Variants in MAMDC4 observed in about 807,000 individuals in gnomAD.
The protein encoded by MAMDC4 is MAM domain containing 4.
A neutral mutation model predicts 153.3 loss-of-function variants in MAMDC4; 168 were observed. The ratio of observed to expected loss-of-function variants is 1.10; its 90% CI spans 0.97 to 1.25. The LOEUF is 1.25. Among genes scored for constraint, MAMDC4 ranks in the 50% most tolerant of loss-of-function variants. The probability of loss-of-function intolerance (pLI) is 0.00; values close to 1 mark genes in which losing one functional copy is unlikely to be tolerated. For synonymous variants in MAMDC4, 744 were observed against 651.5 expected, an observed-to-expected ratio of 1.14 and a Z score of -2.16; for missense variants, 1,701 against 1,542.8, an observed-to-expected ratio of 1.10 and a Z score of -1.72.
intron 3 of MAMDC4, 43 bp downstream of exon 3, chr9:136,853,501 C>A: frequency 6.2e-7 from 1 of 1,612,022 alleles, no homozygotes; most frequent in Non-Finnish European, 8.5e-7. Context: ...TCCCAATACC[C>A]TCCTTGCTCC....
intron 7 of MAMDC4, 52 bp from the exon 8 acceptor site, chr9:136,854,487 G>A (rs1460953367): frequency 3.4e-5 from 53 of 1,563,600 alleles, no homozygotes; most frequent in Admixed American, 1.1e-4. Context: ...GGGGCCATAC[G>A]GCTTCAGGAA....
chr9:136,858,832 A>G lies in MAMDC4; in HGVS notation c.2935A>G (p.Met979Val), dbSNP rs371220916. 6.3e-5 allele frequency: 101 copies of G among 1,609,882 alleles called. No individual in the cohort carries two copies. The highest frequency in any genetic ancestry group is 4.9e-4 in the Middle Eastern group (3 of 6,070). The change falls in exon 23 of 27, where the codon ATG (methionine) becomes GTG (valine). Residue 979 changes from methionine to valine, a missense_variant. Met to Val is a conservative substitution (Grantham distance 21). Coordinates refer to ENST00000317446, the MANE Select transcript of MAMDC4 (RefSeq NM_206920.3). ...PASCLRFWYH[M>V]GFPEHFYKGE... is the part of the protein sequence containing the mutation. ...CTCCTGCCTCCGCTTCTGGTACCAC[A>G]TGGGTTTTCCTGAGCACTTCTGTGA...
Position 136,854,643 on chromosome 9 carries a change from C to T in MAMDC4, c.901C>T (p.Pro301Ser). 6.2e-7 allele frequency: 1 copy of T among 1,609,308 alleles called. No homozygotes were observed. Among genetic ancestry groups the T allele is most frequent in the East Asian group, 2.2e-5 (1 of 44,626 alleles). The change falls in exon 8 of 27, where the codon CCA (proline) becomes TCA (serine). Residue 301 changes from proline to serine, a missense_variant. Pro to Ser is a moderately conservative substitution (Grantham distance 74). Transcript: ENST00000317446. ...RAGGPERPSW[P>S]RRDHSRNSAQ... ...TGGTGGTCCTGAGCGCCCCTCCTGGCCACGCCGTGACCACAGCCGGAACAG... is the reference window on the plus strand; with the variant it reads ...TGGTGGTCCTGAGCGCCCCTCCTGGTCACGCCGTGACCACAGCCGGAACAG...
chr9:136,858,106 A>AGGGT lies in MAMDC4; in HGVS notation c.2583+13_2583+16dup. 1 of 1,532,342 alleles carries AGGGT rather than the reference A, an allele frequency of 6.5e-7. No homozygotes were observed. Among genetic ancestry groups the AGGGT allele is most frequent in the Non-Finnish European group, 8.8e-7 (1 of 1,140,188 alleles). The allele number at this position is 1,532,342 out of a possible 1,614,324, so 94.9% of individuals were successfully genotyped here. A position where few individuals can be genotyped will look rare whatever the true frequency, so the allele number is the denominator to read the frequency against. On this transcript the variant is annotated intron_variant, in intron 20 of 26. Transcript: ENST00000317446. The stretch of plus-strand genomic sequence containing the variant: ...CCGAGCGAGCCTGGAGGGTGAGTGC[A>AGGGT]GGGTGGGGTGCCCCTCCCCCTCCCC...
intron 11 of MAMDC4, 23 bp downstream of exon 11, chr9:136,855,361 A>C: frequency 6.2e-7 from 1 of 1,600,360 alleles, no homozygotes; most frequent in Non-Finnish European, 8.5e-7. Context: ...ACTCTGCCCT[A>C]CCCTGCCTTG....
rs1849014181 is a variant in MAMDC4, at chr9:136,856,935, C to T, written c.1866C>T (p.Asp622=). Residue 622 remains aspartate, a synonymous_variant, in exon 16 of 27, where the codon GAC becomes GAT. Coordinates refer to ENST00000317446, the MANE Select transcript of MAMDC4 (RefSeq NM_206920.3). The part of the protein sequence containing the change: ...QGHFVLLDPT[D]PLAWGHSAHL... The stretch of plus-strand genomic sequence containing the variant: ...ACTTTGTGCTCCTGGACCCCACAGA[C>T]CCCCTGGCCTGGGGCCACAGTGCCC... 2.5e-6 allele frequency: 4 copies of T among 1,610,788 alleles called. No individual in the cohort carries two copies. The highest frequency in any genetic ancestry group is 3.4e-6 in the Non-Finnish European group (4 of 1,178,554).
At position 136,855,055 on chromosome 9, in the gene MAMDC4, T is replaced by TG. The variant is rs771894746; in HGVS notation, c.1146dup (p.Thr383AspfsTer9). On this transcript the variant is annotated frameshift_variant, in exon 10 of 27. Coordinates refer to ENST00000317446, the MANE Select transcript of MAMDC4 (RefSeq NM_206920.3). LOFTEE classifies it high-confidence loss of function. ...CTGCTGCGGAGGCGCCGAGGGGAGC[T>TG]GGGGACCGCCTGGGTCCGAGACCGT... The TG allele has an allele frequency of 6.2e-7, 1 of 1,605,576 alleles. No homozygotes were observed. The highest frequency in any genetic ancestry group is 1.1e-5 in the South Asian group (1 of 90,568).
chr9:136,852,510 T>G, intron 1 of MAMDC4, 48 bp downstream of exon 1: 1 of 1,589,508 alleles, frequency 6.3e-7, no homozygotes. Context: ...GGCCCTGGCT[T>G]CTGAGCCTAC....
In MAMDC4 at chr9:136,860,031, A is replaced by G; in HGVS notation, c.3339A>G (p.Thr1113=). 3 of 1,604,494 alleles carry G rather than the reference A, an allele frequency of 1.9e-6. No homozygotes were observed. The highest frequency in any genetic ancestry group is 1.7e-6 in the Non-Finnish European group (2 of 1,175,964). ...CCTTCCAGAGCAACACAGAGGCCAC[A>G]GCCCCTGGCTTTGACAACATCCTTT... ...SCPFQSNTEA[T]APGFDNILFN... The change falls in exon 26 of 27, where the codon ACA becomes ACG. Residue 1113 remains threonine (T), a synonymous_variant. Transcript: ENST00000317446.
rs748639481 is a variant in MAMDC4, at chr9:136,854,344, C to T, written c.796+8C>T. The T allele has an allele frequency of 7.8e-6, 12 of 1,543,020 alleles. No homozygotes were observed. The highest frequency in any genetic ancestry group is 4.6e-5 in the East Asian group (2 of 43,116). The stretch of plus-strand genomic sequence containing the variant: ...AGAACCCACTCACCTGTGGTGAGGC[C>T]GGAGTGGGGGCCCAGAGTGAGGCTG... On this transcript the variant is annotated splice_region_variant and intron_variant, in intron 7 of 26. Coordinates refer to ENST00000317446, the MANE Select transcript of MAMDC4 (RefSeq NM_206920.3).
In MAMDC4 at chr9:136,855,855, C is replaced by G; in HGVS notation, c.1588+7C>G. ...TCCAGTGCAGCTGCTGCTGGTGAGG[C>G]CCAAGGCCCAAGGCTCAAGCCCCCG... On this transcript the variant is annotated splice_region_variant and intron_variant, in intron 13 of 26. Coordinates refer to ENST00000317446, the MANE Select transcript of MAMDC4 (RefSeq NM_206920.3). The G allele has an allele frequency of 6.7e-7, 1 of 1,484,478 alleles. No individual in the cohort carries two copies. Among genetic ancestry groups the G allele is most frequent in the South Asian group, 1.3e-5 (1 of 74,108 alleles). 92.0% of individuals were successfully genotyped at this position (1,484,478 alleles called of 1,614,324 possible).
chr9:136,856,869 T>C (rs200154915), intron 15 of MAMDC4, 38 bp from the exon 16 acceptor site: 4 of 1,612,114 alleles, frequency 2.5e-6, no homozygotes, highest in East Asian at 2.2e-5. Context: ...CAGACGAGAG[T>C]GGGGCATCTC....
Position 136,859,148 on chromosome 9 carries a change from G to A in MAMDC4, c.3084+16G>A. On this transcript the variant is annotated intron_variant, in intron 24 of 26. Coordinates refer to ENST00000317446, the MANE Select transcript of MAMDC4 (RefSeq NM_206920.3). ...GGAGTTCCAGGTGAGGCTGGCTGTG[G>A]GCAAGGAGCCTCCTCCTCCTCCACC... 6.3e-7 allele frequency: 1 copy of A among 1,581,066 alleles called. No individual in the cohort carries two copies. Among genetic ancestry groups the A allele is most frequent in the South Asian group, 1.2e-5 (1 of 86,682 alleles).
rs1849033621 is a variant in MAMDC4, at chr9:136,858,116, G to GCCCTTC, written c.2583+22_2583+23insTTCCCC. On this transcript the variant is annotated intron_variant, in intron 20 of 26. Coordinates refer to ENST00000317446, the MANE Select transcript of MAMDC4 (RefSeq NM_206920.3). ...CTGGAGGGTGAGTGCAGGGTGGGGT[G>GCCCTTC]CCCCTCCCCCTCCCCCTCCCCCGAG... is the stretch of plus-strand genomic sequence containing the variant. The GCCCTTC allele has an allele frequency of 6.5e-7, 1 of 1,529,028 alleles. No individual in the cohort carries two copies. The highest frequency in any genetic ancestry group is 1.4e-5 in the African/African-American group (1 of 72,510). 94.7% of individuals were successfully genotyped at this position (1,529,028 alleles called of 1,614,324 possible). A position where few individuals can be genotyped will look rare whatever the true frequency, so the allele number is the denominator to read the frequency against.
chr9:136,858,289 C>T lies in MAMDC4; in HGVS notation c.2674+13C>T. The stretch of plus-strand genomic sequence containing the variant: ...TGCCCTCAGCCAGGTGGGAGCCCTG[C>T]CGTGGCCTCGGCCCTGCTCTGGGGT... On this transcript the variant is annotated intron_variant, in intron 21 of 26. Transcript: ENST00000317446. 1.2e-6 allele frequency: 2 copies of T among 1,601,164 alleles called. No homozygotes were observed. Among genetic ancestry groups the T allele is most frequent in the Non-Finnish European group, 8.5e-7 (1 of 1,179,344 alleles).
chr9:136,856,464 C>T, intron 14 of MAMDC4: 1 of 784,432 alleles, frequency 1.3e-6, no homozygotes, highest in Non-Finnish European at 2.4e-6. Context: ...CCCCATGAAG[C>T]TGGAGTTTGT....
chr9:136,856,144 C>G lies in MAMDC4; in HGVS notation c.1715C>G (p.Pro572Arg), dbSNP rs746142476. ...LHLAYYLQSQ[P>R]REVSCNFERD... ...CTGGCTTATTATTTACAGAGCCAGC[C>G]CCGAGGTACCGCCACACTCCGCAAG... is the stretch of plus-strand genomic sequence containing the variant. Residue 572 changes from proline (P) to arginine (R), a missense_variant, in exon 14 of 27, where the codon CCC becomes CGC. Coordinates refer to ENST00000317446, the MANE Select transcript of MAMDC4 (RefSeq NM_206920.3). The G allele has an allele frequency of 6.2e-7, 1 of 1,612,158 alleles. No individual in the cohort carries two copies.
Position 136,856,135 on chromosome 9 carries a change from A to C in MAMDC4, c.1706A>C (p.Gln569Pro). ...SCELHLAYYLQSQPREVSCNF... is the reference protein window; with the variant it reads ...SCELHLAYYLPSQPREVSCNF... ...GAACTCCACCTGGCTTATTATTTAC[A>C]GAGCCAGCCCCGAGGTACCGCCACA... Residue 569 changes from glutamine (Q) to proline (P), a missense_variant, in exon 14 of 27, where the codon CAG (glutamine) becomes CCG (proline). Transcript: ENST00000317446. 6.2e-7 allele frequency: 1 copy of C among 1,612,268 alleles called. No homozygotes were observed. The highest frequency in any genetic ancestry group is 8.5e-7 in the Non-Finnish European group (1 of 1,179,726).
At position 136,858,779 on chromosome 9, in the gene MAMDC4, G is replaced by A. The variant is rs1163142013; in HGVS notation, c.2882G>A (p.Arg961His). 14 of 1,610,250 alleles carry A rather than the reference G, an allele frequency of 8.7e-6. No homozygotes were observed. The highest frequency in any genetic ancestry group is 3.3e-5 in the South Asian group (3 of 90,970). Residue 961 changes from arginine to histidine, a missense_variant, in exon 23 of 27, where the codon CGC (arginine) becomes CAC (histidine). Physicochemically the swap from Arg to His is conservative, Grantham distance 29. Coordinates refer to ENST00000317446, the MANE Select transcript of MAMDC4 (RefSeq NM_206920.3). ...CCCGGGGGCCGGGCCGCCTGGCTGC[G>A]CAGCGAGCCTCTGCCGGCCACCCCA... ...LGPGGRAAWL[R>H]SEPLPATPAS... is the part of the protein sequence containing the mutation.
Sources: gnomAD v4.1 joint callset for allele counts on GRCh38, gnomAD v4.1.1 for gene constraint, MANE v1.5 for transcripts, NCBI Gene and HGNC (gene_info 2026-07-23, HGNC 2026-07-21) for gene names.